SIPA1L3: variants seen among roughly 807,000 people sequenced by gnomAD.
The protein encoded by SIPA1L3 is signal-induced proliferation-associated 1-like protein 3.
A neutral mutation model predicts 150.1 loss-of-function variants in SIPA1L3; 59 were observed. The observed-to-expected ratio is 0.39, with a 90% CI of 0.32 to 0.49. The LOEUF (loss-of-function observed/expected upper bound fraction) is 0.49, where lower values mean the gene tolerates loss of function less well. Ranked by LOEUF, SIPA1L3 falls within the 20% of genes least tolerant of loss-of-function variation. The pLI is 0.86. For missense variants in SIPA1L3, 2,211 were observed against 2,489.5 expected (o/e 0.89, Z 2.38); for synonymous variants, 1,070 against 1,077.6 (o/e 0.99, Z 0.14).
chr19:38,028,355 G>A (rs1446843820), intron 1 of SIPA1L3, among the ~76,000 whole-genome samples: 1 of 152,036 alleles, frequency 6.6e-6, no homozygotes, highest in Non-Finnish European at 1.5e-5. Flanking sequence ...CCAGCTCCAT[G>A]GGCCTCCTGA....
intron 18 of SIPA1L3, among the ~76,000 whole-genome samples, chr19:38,194,351 C>A (rs968576684): frequency 6.7e-6 from 1 of 149,882 alleles, no homozygotes; most frequent in Admixed American, 6.6e-5. Context: ...CCCTGTAACC[C>A]CCCTTACCCA....
At chr19:38,134,598 T>C (rs970370361) in intron 10 of SIPA1L3, among the ~76,000 whole-genome samples, 2 of 149,454 alleles carry the variant, frequency 1.3e-5, no homozygotes, top group Non-Finnish European at 3.0e-5. Flanking sequence ...TTCCAGCTAT[T>C]CAGGAGGCTG....
chr19:38,071,258 T>TA (rs756694106), intron 2 of SIPA1L3, among the ~76,000 whole-genome samples: 2 of 151,650 alleles, frequency 1.3e-5, no homozygotes, highest in South Asian at 4.2e-4. Flanking sequence ...TCTATCTATC[T>TA]ATCTATCTGC....
At chr19:37,971,951 C>T (rs1469727053) in intron 1 of SIPA1L3, among the ~76,000 whole-genome samples, 1 of 152,136 alleles carries the variant, frequency 6.6e-6, no homozygotes, top group East Asian at 1.9e-4. Flanking sequence ...TTCTGTTGTA[C>T]AGATAGACCA....
In SIPA1L3 at chr19:38,010,990, G is replaced by T. The variant is rs368088113; in HGVS notation, c.-378-18099G>T. Reference sequence around the variant, plus strand: ...AGAAACGTCTCTCCTTACACAGTTTGTTTCTTTATTCACTGAGAAGACATG... The same window carrying T: ...AGAAACGTCTCTCCTTACACAGTTTTTTTCTTTATTCACTGAGAAGACATG... On this transcript the variant is annotated intron_variant, in intron 1 of 21. Transcript: ENST00000222345. Among the ~76,000 whole-genome samples, 10 of 152,264 alleles carry T rather than the reference G, an allele frequency of 6.6e-5. No individual in the cohort carries two copies. The East Asian group carries it at 1.4e-3, about 21-fold the overall frequency.
intron 2 of SIPA1L3, among the ~76,000 whole-genome samples, chr19:38,066,299 G>T (rs1969590392): frequency 6.6e-6 from 1 of 152,094 alleles, no homozygotes; most frequent in South Asian, 2.1e-4. Context: ...ATTGATTACA[G>T]GCCTGAGCCA....
At chr19:38,100,211 G>C in intron 5 of SIPA1L3, 61 bp downstream of exon 5, 1 of 1,303,298 alleles carries the variant, frequency 7.7e-7, no homozygotes, top group Non-Finnish European at 1.0e-6. Flanking sequence ...CCCACTCCTG[G>C]TAGCTTTTTC....
chr19:38,095,238 T>A (rs573473370), intron 4 of SIPA1L3, among the ~76,000 whole-genome samples: 4 of 152,208 alleles, frequency 2.6e-5, no homozygotes, highest in Admixed American at 6.5e-5. Flanking sequence ...TATGCACGGA[T>A]CTTTTTGAAT....
chr19:38,068,508 G>A (rs894594240), intron 2 of SIPA1L3, among the ~76,000 whole-genome samples: 1 of 152,118 alleles, frequency 6.6e-6, no homozygotes, highest in African/African-American at 2.4e-5. Flanking sequence ...GACTGTTGAG[G>A]TTTGAATCCC....
In SIPA1L3 at chr19:38,152,696, C is replaced by G. The variant is rs1194515919; in HGVS notation, c.3534-144C>G. ...CACGTTTCCAGGCTTACTCATCCAGCCTTCCTAACCGCTTTCTCTCATCCA... is the reference window on the plus strand; with the variant it reads ...CACGTTTCCAGGCTTACTCATCCAGGCTTCCTAACCGCTTTCTCTCATCCA... On this transcript the variant is annotated intron_variant, in intron 12 of 21. Coordinates refer to ENST00000222345, the MANE Select transcript of SIPA1L3 (RefSeq NM_015073.3). The G allele has an allele frequency of 8.7e-6, 7 of 807,568 alleles. No individual in the cohort carries two copies. In the Admixed American group the frequency reaches 1.9e-4, roughly 22 times the overall value. 50.0% of individuals were successfully genotyped at this position (807,568 alleles called of 1,614,324 possible). A position where few individuals can be genotyped will look rare whatever the true frequency, so the allele number is the denominator to read the frequency against.
intron 7 of SIPA1L3, among the ~76,000 whole-genome samples, chr19:38,107,909 A>G (rs1350926365): frequency 6.6e-6 from 1 of 151,874 alleles, no homozygotes; most frequent in Non-Finnish European, 1.5e-5. Flanking sequence ...CCCAAGAGGC[A>G]GTGGTTGCAG....
intron 1 of SIPA1L3, among the ~76,000 whole-genome samples, chr19:37,951,614 C>G (rs1421962652): frequency 2.0e-5 from 3 of 151,934 alleles, no homozygotes; most frequent in Admixed American, 6.6e-5. Flanking sequence ...AAAAAAAGCC[C>G]CGGGCCAGGC....
chr19:37,930,240 CTGACCTCA>C (rs1430658657), intron 1 of SIPA1L3, among the ~76,000 whole-genome samples: 2 of 152,000 alleles, frequency 1.3e-5, no homozygotes, highest in Admixed American at 1.3e-4. Flanking sequence ...TCTCGATCTC[CTGACCTCA>C]TGATCCTCCC....
chr19:37,976,686 G>A (rs891050418), intron 1 of SIPA1L3, among the ~76,000 whole-genome samples: 6 of 152,068 alleles, frequency 3.9e-5, no homozygotes, highest in African/African-American at 9.7e-5. Context: ...TCAGTTTGTC[G>A]GCTATAAGAT....
chr19:38,083,240 G>T lies in SIPA1L3; in HGVS notation c.1534+141G>T. On this transcript the variant is annotated intron_variant, in intron 3 of 21. Coordinates refer to ENST00000222345, the MANE Select transcript of SIPA1L3 (RefSeq NM_015073.3). ...GGAACAGAGACCTCCCTTCTGGAGG[G>T]CTGTGAGGATCCGGTGAGCAGAGCC... is the stretch of plus-strand genomic sequence containing the variant. 4.4e-6 allele frequency: 4 copies of T among 905,334 alleles called. No individual in the cohort carries two copies. In the South Asian group the frequency reaches 6.6e-5, roughly 15 times the overall value. 56.1% of individuals were successfully genotyped at this position (905,334 alleles called of 1,614,324 possible).
chr19:37,982,546 A>G (rs889690636), intron 1 of SIPA1L3, among the ~76,000 whole-genome samples: 1 of 152,222 alleles, frequency 6.6e-6, no homozygotes, highest in East Asian at 1.9e-4. Flanking sequence ...CATTACAGAC[A>G]TGGAGACAAG....
At chr19:37,948,942 A>G (rs1195792341) in intron 1 of SIPA1L3, among the ~76,000 whole-genome samples, 1 of 152,214 alleles carries the variant, frequency 6.6e-6, no homozygotes, top group African/African-American at 2.4e-5. Context: ...GTTCCCAGCA[A>G]TTCACAGATG....
intron 1 of SIPA1L3, among the ~76,000 whole-genome samples, chr19:37,959,114 T>C (rs2046835629): frequency 6.6e-6 from 1 of 152,170 alleles, no homozygotes; most frequent in Non-Finnish European, 1.5e-5. Context: ...GGAAAACAAT[T>C]TGGCAGTTAC....
chr19:38,124,362 C>T (rs1441055920), intron 9 of SIPA1L3, among the ~76,000 whole-genome samples: 3 of 143,948 alleles, frequency 2.1e-5, no homozygotes, highest in Non-Finnish European at 3.0e-5. Context: ...ACATCCCAGA[C>T]GGGGTGGCGG....
Sources: gnomAD v4.1 joint callset for allele counts (sites outside exome capture counted in the v4.1 genomes callset) on GRCh38, gnomAD v4.1.1 for gene constraint, MANE v1.5 for transcripts, NCBI Gene and HGNC (gene_info 2026-07-23, HGNC 2026-07-21) for gene names.